Variants in ATP7B observed in about 807,000 individuals in gnomAD.
The protein encoded by ATP7B is ATPase copper transporting beta, also known as copper-transporting ATPase 2.
In ATP7B, 113 loss-of-function variants were observed where a neutral mutation model predicts 118.9. The observed-to-expected ratio is 0.95, with a 90% CI of 0.82 to 1.11. The LOEUF (loss-of-function observed/expected upper bound fraction) is 1.11, where lower values mean the gene tolerates loss of function less well. Ranked by LOEUF, ATP7B falls within the 50% of genes most tolerant of loss-of-function variation. ATP7B has a pLI of 0.00. For missense variants in ATP7B, 1,867 were observed against 1,871.4 expected, an observed-to-expected ratio of 1.00 and a Z score of 0.04; for synonymous variants, 777 against 727.4, an observed-to-expected ratio of 1.07 and a Z score of -1.10.
At position 51,933,731 on chromosome 13, in the gene ATP7B, G is replaced by A. The variant is rs1956813297; in HGVS notation, c.*1025C>T. ...ACACAAGGCCAGGCGCTAGTCACAT[G>A]AATTCTCTACTGAACCCCACGAGGT... On this transcript the variant is annotated 3_prime_UTR_variant, in exon 21 of 21. Coordinates refer to ENST00000242839, the MANE Select transcript of ATP7B (RefSeq NM_000053.4). 6.6e-6 allele frequency: 1 copy of A among 152,240 alleles called. No homozygotes were observed. Among genetic ancestry groups the A allele is most frequent in the African/African-American group, 2.4e-5 (1 of 41,434 alleles). The allele number at this position is 152,240 out of a possible 1,614,324, so 9.4% of individuals were successfully genotyped here.
intron 1 of ATP7B, among the ~76,000 whole-genome samples, chr13:51,993,268 CT>C (rs1264836466): frequency 1.3e-5 from 2 of 151,004 alleles, no homozygotes. Context: ...ATAATCAGAG[CT>C]TTAGAAAAAA....
At chr13:51,994,558 T>A (rs180761397) in intron 1 of ATP7B, among the ~76,000 whole-genome samples, 1 of 152,350 alleles carries the variant, frequency 6.6e-6, no homozygotes, top group East Asian at 1.9e-4. Flanking sequence ...AAATGCAGAA[T>A]CTTTAAATAC....
intron 1 of ATP7B, among the ~76,000 whole-genome samples, chr13:52,001,336 C>T (rs561922287): frequency 3.6e-4 from 54 of 152,108 alleles, no homozygotes; most frequent in Non-Finnish European, 6.8e-4. Flanking sequence ...TAGGGGGTTC[C>T]CATGTGCTTA....
chr13:52,006,773 C>G (rs1288280150), intron 1 of ATP7B, among the ~76,000 whole-genome samples: 4 of 152,168 alleles, frequency 2.6e-5, no homozygotes, highest in African/African-American at 9.7e-5. Flanking sequence ...TCCTCTGGAC[C>G]TTTATACATG....
Position 51,960,297 on chromosome 13 carries a change from G to A in ATP7B, c.1972C>T (p.Leu658=). The change falls in exon 7 of 21, where the codon CTG becomes TTG. Residue 658 remains leucine, a synonymous_variant. Transcript: ENST00000242839. ...KQWKKSFLCS[L]VFGIPVMALM... ...GCCATGACAGGGATGCCAAACACCA[G>A]GCTGCACAGGAAAGACTTCTTCCAC... is the stretch of plus-strand genomic sequence containing the variant. The A allele has an allele frequency of 6.2e-7, 1 of 1,613,690 alleles. No homozygotes were observed. The highest frequency in any genetic ancestry group is 1.7e-4 in the Middle Eastern group (1 of 5,852).
intron 1 of ATP7B, among the ~76,000 whole-genome samples, chr13:51,977,720 C>G (rs1353206192): frequency 6.6e-6 from 1 of 152,096 alleles, no homozygotes; most frequent in African/African-American, 2.4e-5. Context: ...TTTTATATGA[C>G]TGGCAGTACA....
At chr13:51,967,508 G>C (rs2139856920) in intron 4 of ATP7B, among the ~76,000 whole-genome samples, 1 of 152,326 alleles carries the variant, frequency 6.6e-6, no homozygotes, top group South Asian at 2.1e-4. Context: ...CCCTCTTGTT[G>C]GGCACCTCTT....
Position 51,964,656 on chromosome 13 carries a change from T to C in ATP7B, c.1869+216A>G, listed in dbSNP as rs1958970087. ...AAACAATAATAATGTCTTTTCCTCA[T>C]CTTTCTCTTACCCATTCACTGATAT... is the stretch of plus-strand genomic sequence containing the variant. On this transcript the variant is annotated intron_variant, in intron 5 of 20. Transcript: ENST00000242839. 7.2e-6 allele frequency: 4 copies of C among 558,662 alleles called. No homozygotes were observed. The Admixed American group carries it at 1.3e-4, about 18-fold the overall frequency. The allele number at this position is 558,662 out of a possible 1,614,324, so 34.6% of individuals were successfully genotyped here.
rs766906034 is a variant in ATP7B, at chr13:51,968,521, G to A, written c.1630C>T (p.Gln544Ter). 26 of 1,614,058 alleles carry A rather than the reference G, an allele frequency of 1.6e-5. No individual in the cohort carries two copies. The highest frequency in any genetic ancestry group is 8.5e-7 in the Non-Finnish European group (1 of 1,180,046). ...PEVIQPLEIA[Q>*]FIQDLGFEAA... ...TCAAAACCCAGGTCCTGGATGAACT[G>A]AGCTATCTCGAGGGGCTGGATGACC... Residue 544 changes from glutamine (Q) to a stop codon, truncating the protein, a stop_gained, in exon 4 of 21, where the codon CAG becomes TAG. Transcript: ENST00000242839. LOFTEE classifies it high-confidence loss of function.
rs548525269 is a variant in ATP7B, at chr13:51,968,392, A to C, written c.1707+52T>G. ...CTAATCACAAAGATGGATGTGTCCAAAATGCAAACTGTCAGAAGCCTGTAA... is the reference window on the plus strand; with the variant it reads ...CTAATCACAAAGATGGATGTGTCCACAATGCAAACTGTCAGAAGCCTGTAA... On this transcript the variant is annotated intron_variant, in intron 4 of 20. Coordinates refer to ENST00000242839, the MANE Select transcript of ATP7B (RefSeq NM_000053.4). 1.6e-4 allele frequency: 254 copies of C among 1,613,630 alleles called. 6 individuals carry two copies. In the South Asian group the frequency reaches 2.1e-3, roughly 13 times the overall value.
In ATP7B at chr13:51,947,219, C is replaced by T. The variant is rs1378816557; in HGVS notation, c.2866-741G>A. ...AAAATCGCATGTGCTGGGATTTATT[C>T]GTGCAAAAATCTCCGCCTGTATCTG... On this transcript the variant is annotated intron_variant, in intron 12 of 20. Transcript: ENST00000242839. Among the ~76,000 whole-genome samples the T allele has an allele frequency of 2.0e-5, 3 of 152,070 alleles. No homozygotes were observed. In the East Asian group the frequency reaches 5.8e-4, roughly 29 times the overall value.
chr13:51,960,056 G>C, intron 7 of ATP7B, 92 bp downstream of exon 7: 7 of 1,497,492 alleles, frequency 4.7e-6, no homozygotes, highest in Non-Finnish European at 6.5e-6. Flanking sequence ...TTTAAACCAA[G>C]CTAAAGCACT....
At position 51,975,056 on chromosome 13, in the gene ATP7B, G is replaced by A. The variant is rs574071838; in HGVS notation, c.164C>T (p.Ser55Phe). The A allele has an allele frequency of 9.9e-6, 16 of 1,614,230 alleles. No individual in the cohort carries two copies. The South Asian group carries it at 1.4e-4, about 14-fold the overall frequency. ...CCTGACTGTGCTGGTGGCCACCTGA[G>A]AAGAAGGGCCCAGGCCATCCAGACC... ...EGGLDGLGPS[S>F]QVATSTVRIL... The change falls in exon 2 of 21, where the codon TCT (serine) becomes TTT (phenylalanine). Residue 55 changes from serine to phenylalanine, a missense_variant. Ser to Phe is a radical substitution (Grantham distance 155). Transcript: ENST00000242839.
At chr13:51,984,727 A>G (rs1593823478) in intron 1 of ATP7B, among the ~76,000 whole-genome samples, 1 of 152,184 alleles carries the variant, frequency 6.6e-6, no homozygotes, top group South Asian at 2.1e-4. Flanking sequence ...CTCTGCAGAA[A>G]CCCTACAAGC....
intron 1 of ATP7B, among the ~76,000 whole-genome samples, chr13:51,997,168 G>T (rs1485677948): frequency 6.6e-6 from 1 of 152,140 alleles, no homozygotes; most frequent in Non-Finnish European, 1.5e-5. Context: ...CACATGCCCT[G>T]CTGACCACCT....
chr13:51,990,212 A>G (rs986024188), intron 1 of ATP7B, among the ~76,000 whole-genome samples: 1 of 152,046 alleles, frequency 6.6e-6, no homozygotes, highest in Non-Finnish European at 1.5e-5. Flanking sequence ...TGTTTGTAGA[A>G]AGCTAAATTT....
chr13:51,938,683 A>G (rs543395887), intron 17 of ATP7B, among the ~76,000 whole-genome samples: 116 of 152,324 alleles, frequency 7.6e-4, no homozygotes, highest in Non-Finnish European at 1.6e-3. Context: ...CACTTATCTG[A>G]GCACCCCAGT....
intron 1 of ATP7B, among the ~76,000 whole-genome samples, 166 bp downstream of exon 1, chr13:52,011,118 CACT>C (rs1241046464): frequency 6.6e-6 from 1 of 152,252 alleles, no homozygotes; most frequent in Non-Finnish European, 1.5e-5. Context: ...GTTGACGGCA[CACT>C]TTTTCTAAAG....
At chr13:51,937,446 C>A in intron 18 of ATP7B, 30 bp downstream of exon 18, 1 of 1,614,146 alleles carries the variant, frequency 6.2e-7, no homozygotes, top group Non-Finnish European at 8.5e-7. Flanking sequence ...GCCCTCCCAG[C>A]ACCCACAGCC....
Sources: allele counts gnomAD v4.1 joint callset (sites outside exome capture counted in the v4.1 genomes callset), GRCh38; gene constraint gnomAD v4.1.1; transcripts MANE v1.5; gene names NCBI Gene and HGNC (gene_info 2026-07-23, HGNC 2026-07-21).